GRID2: variants seen among roughly 807,000 people sequenced by gnomAD.
GRID2 encodes glutamate receptor ionotropic, delta-2.
GRID2 carries 33 observed loss-of-function variants against 114.8 expected under a neutral mutation model. That is an observed-to-expected ratio of 0.29 (90% CI 0.22 to 0.38). The LOEUF (loss-of-function observed/expected upper bound fraction) is 0.38. Ranked by LOEUF, GRID2 falls within the 10% of genes least tolerant of loss-of-function variation. The pLI, the probability that GRID2 is intolerant of heterozygous loss-of-function variation, is 1.00. For synonymous variants in GRID2, 505 were observed against 449.9 expected (o/e 1.12, Z -1.55); for missense variants, 1,184 against 1,257.7 (o/e 0.94, Z 0.89).
At chr4:93,632,018 T>G (rs1265297402) in intron 14 of GRID2, among the ~76,000 whole-genome samples, 2 of 152,212 alleles carry the variant, frequency 1.3e-5, no homozygotes, top group Non-Finnish European at 2.9e-5. Context: ...AGTCTTCTTT[T>G]GAGAAGTGTC....
intron 2 of GRID2, among the ~76,000 whole-genome samples, chr4:92,846,787 T>A (rs1743356983): frequency 6.6e-6 from 1 of 152,112 alleles, no homozygotes; most frequent in East Asian, 1.9e-4. Context: ...CAAAAAATAC[T>A]TGAAACAAAG....
At chr4:92,801,326 T>C (rs148208332) in intron 2 of GRID2, among the ~76,000 whole-genome samples, 25 of 152,104 alleles carry the variant, frequency 1.6e-4, no homozygotes, top group Non-Finnish European at 2.9e-4. Context: ...ATGCTAAGTT[T>C]ATGGCATATT....
chr4:92,419,538 TGAA>T (rs1731788890), intron 1 of GRID2, among the ~76,000 whole-genome samples: 1 of 152,134 alleles, frequency 6.6e-6, no homozygotes, highest in Non-Finnish European at 1.5e-5. Context: ...GAAGCCAGAT[TGAA>T]GTCATATCTC....
At chr4:93,520,626 G>A (rs1730239239) in intron 13 of GRID2, among the ~76,000 whole-genome samples, 1 of 152,068 alleles carries the variant, frequency 6.6e-6, no homozygotes, top group Non-Finnish European at 1.5e-5. Context: ...AGAGGCAGAT[G>A]GATATGATCA....
At chr4:93,322,552 G>T (rs890079038) in intron 8 of GRID2, among the ~76,000 whole-genome samples, 12 of 152,240 alleles carry the variant, frequency 7.9e-5, no homozygotes, top group African/African-American at 2.9e-4. Flanking sequence ...AATCCTTTGG[G>T]TATATACCCA....
In GRID2 at chr4:93,466,660, G is replaced by A. The variant is rs541369040; in HGVS notation, c.1858+10686G>A. Among the ~76,000 whole-genome samples the A allele has an allele frequency of 3.3e-4, 51 of 152,312 alleles. No individual in the cohort carries two copies. In the South Asian group the frequency reaches 9.5e-3, roughly 28 times the overall value. On this transcript the variant is annotated intron_variant, in intron 11 of 15. Transcript: ENST00000282020. ...ATTGACTTGACAGGCTGGTGGGCAT[G>A]TCTGATGACAAGCTGCTTCTGCCCC...
At chr4:92,525,282 C>A (rs1724989353) in intron 1 of GRID2, among the ~76,000 whole-genome samples, 1 of 150,276 alleles carries the variant, frequency 6.7e-6, no homozygotes, top group Admixed American at 6.6e-5. Context: ...GAAAAAAAAA[C>A]AAAAACAAAA....
chr4:92,453,141 A>C (rs1721030169), intron 1 of GRID2, among the ~76,000 whole-genome samples: 2 of 152,038 alleles, frequency 1.3e-5, no homozygotes, highest in African/African-American at 4.8e-5. Flanking sequence ...ATTTATTGGG[A>C]AAATGCCTGT....
At chr4:92,475,192 T>A (rs564886620) in intron 1 of GRID2, among the ~76,000 whole-genome samples, 10 of 148,642 alleles carry the variant, frequency 6.7e-5, no homozygotes, top group Admixed American at 2.0e-4. Flanking sequence ...ATTTGCCTTT[T>A]AAAAAAAAAA....
intron 11 of GRID2, among the ~76,000 whole-genome samples, chr4:93,473,936 G>T (rs1460011498): frequency 6.6e-6 from 1 of 151,892 alleles, no homozygotes; most frequent in African/African-American, 2.4e-5. Flanking sequence ...AGAGAAGTAG[G>T]GTGAATGAAT....
chr4:92,920,843 A>G (rs553316467), intron 2 of GRID2, among the ~76,000 whole-genome samples: 13 of 151,884 alleles, frequency 8.6e-5, no homozygotes, highest in East Asian at 3.9e-4. Flanking sequence ...TGCTCTTCTC[A>G]AGGATTATCT....
intron 13 of GRID2, among the ~76,000 whole-genome samples, chr4:93,549,326 A>G (rs1337390227): frequency 6.6e-6 from 1 of 152,232 alleles, no homozygotes; most frequent in African/African-American, 2.4e-5. Context: ...TTAGTATATG[A>G]TAAGCTGGAA....
chr4:93,307,650 T>G (rs1755572578), intron 8 of GRID2, among the ~76,000 whole-genome samples: 1 of 152,152 alleles, frequency 6.6e-6, no homozygotes, highest in South Asian at 2.1e-4. Flanking sequence ...TAATTCTCCC[T>G]CCTCTCAAAA....
intron 13 of GRID2, among the ~76,000 whole-genome samples, chr4:93,538,045 AC>A (rs2149523391): frequency 6.6e-6 from 1 of 151,890 alleles, no homozygotes; most frequent in Non-Finnish European, 1.5e-5. Flanking sequence ...TTCAGGAATT[AC>A]CTGTATTCTC....
chr4:92,325,272 TAG>T (rs1482550439), intron 1 of GRID2, among the ~76,000 whole-genome samples: 2 of 151,882 alleles, frequency 1.3e-5, no homozygotes, highest in Non-Finnish European at 2.9e-5. Context: ...ATGTAAAATG[TAG>T]ATATGACCAC....
intron 14 of GRID2, among the ~76,000 whole-genome samples, chr4:93,650,661 T>TA (rs1418196691): frequency 4.6e-5 from 7 of 152,126 alleles, no homozygotes; most frequent in African/African-American, 1.4e-4. Flanking sequence ...TCCTTACACT[T>TA]AAAAAAAGTC....
At chr4:92,839,676 TCAGAG>T (rs1441829007) in intron 2 of GRID2, among the ~76,000 whole-genome samples, 4 of 152,012 alleles carry the variant, frequency 2.6e-5, no homozygotes, top group Admixed American at 1.3e-4. Flanking sequence ...TCCATTGTAG[TCAGAG>T]AAGATGCTTG....
At chr4:93,469,451 T>C (rs7698415) in intron 11 of GRID2, among the ~76,000 whole-genome samples, 63,971 of 151,616 alleles carry the variant, frequency 0.42, 15,055 homozygotes, top group African/African-American at 0.62. Flanking sequence ...ATTTTTATTA[T>C]TTTTATTTAT....
intron 2 of GRID2, among the ~76,000 whole-genome samples, chr4:92,737,487 C>T (rs10049858): frequency 0.019 from 2,816 of 152,092 alleles, 87 homozygotes; most frequent in African/African-American, 0.065. Context: ...TATTTAAGTA[C>T]AATTCTGTGA....
Sources: gnomAD v4.1 joint callset for allele counts (sites outside exome capture counted in the v4.1 genomes callset) on GRCh38, gnomAD v4.1.1 for gene constraint, MANE v1.5 for transcripts, NCBI Gene and HGNC (gene_info 2026-07-23, HGNC 2026-07-21) for gene names.